The following APOL6 variants were observed in gnomAD, a reference collection of about 807,000 sequenced individuals.
The protein encoded by APOL6 is apolipoprotein L6.
APOL6 carries 1 observed loss-of-function variant against 2.4 expected under a neutral mutation model. The observed-to-expected ratio is 0.41, with a 90% CI of 0.15 to 1.94. The LOEUF (loss-of-function observed/expected upper bound fraction) is 1.94, where lower values mean the gene tolerates loss of function less well. Ranked by LOEUF, APOL6 falls within the 30% of genes most tolerant of loss-of-function variation. The pLI is 0.30. For synonymous variants in APOL6, 189 were observed against 169.3 expected, an observed-to-expected ratio of 1.12 and a Z score of -0.90; for missense variants, 438 against 429.2, an observed-to-expected ratio of 1.02 and a Z score of -0.18.
Position 35,656,362 on chromosome 22 carries a change from T to C in APOL6, c.-47-17T>C, listed in dbSNP as rs1601866716. On this transcript the variant is annotated splice_polypyrimidine_tract_variant and intron_variant, in intron 1 of 2. Coordinates refer to ENST00000409652, the MANE Select transcript of APOL6 (RefSeq NM_030641.4). ...ATCATATGTGCAGTAACGTTGTTTT[T>C]CTACATTCCTGACCAGAAAATCATT... The C allele has an allele frequency of 6.3e-7, 1 of 1,598,776 alleles. No individual in the cohort carries two copies. Among genetic ancestry groups the C allele is most frequent in the Non-Finnish European group, 8.6e-7 (1 of 1,166,130 alleles).
chr22:35,657,492 T>C (rs1924876354), intron 2 of APOL6, among the ~76,000 whole-genome samples: 1 of 152,182 alleles, frequency 6.6e-6, no homozygotes, highest in Admixed American at 6.5e-5. Context: ...GATAAATACA[T>C]TTATGGACAT....
At chr22:35,654,179 C>A (rs1435487469) in intron 1 of APOL6, among the ~76,000 whole-genome samples, 1 of 152,128 alleles carries the variant, frequency 6.6e-6, no homozygotes, top group East Asian at 1.9e-4. Context: ...GCTCTCTGAA[C>A]CCTGTCCTTT....
At chr22:35,649,730 T>C (rs1020027321) in intron 1 of APOL6, among the ~76,000 whole-genome samples, 25 of 151,592 alleles carry the variant, frequency 1.6e-4, no homozygotes, top group Non-Finnish European at 2.9e-4. Context: ...CTGCATCCCA[T>C]AGGACTAATG....
At chr22:35,652,686 T>G (rs998901753) in intron 1 of APOL6, among the ~76,000 whole-genome samples, 1 of 152,246 alleles carries the variant, frequency 6.6e-6, no homozygotes, top group Non-Finnish European at 1.5e-5. Context: ...TTGTCAGGTT[T>G]GTCAAAGATC....
At chr22:35,654,170 C>T (rs944089474) in intron 1 of APOL6, among the ~76,000 whole-genome samples, 11 of 152,188 alleles carry the variant, frequency 7.2e-5, no homozygotes, top group Non-Finnish European at 1.5e-4. Context: ...AACCCAGAAG[C>T]TCTCTGAACC....
chr22:35,648,513 A>C lies in APOL6; in HGVS notation c.-158A>C, dbSNP rs1399512003. The C allele has an allele frequency of 6.6e-6, 1 of 152,278 alleles. No homozygotes were observed. The highest frequency in any genetic ancestry group is 1.5e-5 in the Non-Finnish European group (1 of 68,174). The allele number at this position is 152,278 out of a possible 1,614,324, so 9.4% of individuals were successfully genotyped here. On this transcript the variant is annotated 5_prime_UTR_variant, in exon 1 of 3. Coordinates refer to ENST00000409652, the MANE Select transcript of APOL6 (RefSeq NM_030641.4). ...CTATCCGTCTTTCTCCAGCCCAGAC[A>C]CTCACAGCCCCCTGCCAGACCAGGG...
chr22:35,649,135 A>AT (rs1278486082), intron 1 of APOL6, among the ~76,000 whole-genome samples: 2 of 152,250 alleles, frequency 1.3e-5, no homozygotes, highest in East Asian at 1.9e-4. Flanking sequence ...GGAGTTTGTG[A>AT]TAAATATTAG....
At position 35,658,623 on chromosome 22, in the gene APOL6, A is replaced by T. The variant is rs771968404; in HGVS notation, c.59A>T (p.Asp20Val). ...EAGVGLQRDE[D>V]DAPLCEDVEL... The stretch of plus-strand genomic sequence containing the variant: ...ATTTCATTTCTCCTCAGGGATGAGG[A>T]TGACGCTCCTCTGTGTGAAGACGTG... Residue 20 changes from aspartate to valine, a missense_variant, in exon 3 of 3, where the codon GAT (aspartate) becomes GTT (valine). Transcript: ENST00000409652. 39 of 1,607,268 alleles carry T rather than the reference A, an allele frequency of 2.4e-5. No individual in the cohort carries two copies. In the East Asian group the frequency reaches 8.3e-4, roughly 34 times the overall value.
intron 1 of APOL6, among the ~76,000 whole-genome samples, chr22:35,650,176 T>C (rs1387594908): frequency 6.6e-6 from 1 of 152,170 alleles, no homozygotes; most frequent in Non-Finnish European, 1.5e-5. Flanking sequence ...AGTAAACTCT[T>C]AAAGGTGCCA....
chr22:35,659,160 A>G lies in APOL6; in HGVS notation c.596A>G (p.Asn199Ser). 1.2e-6 allele frequency: 2 copies of G among 1,614,190 alleles called. No individual in the cohort carries two copies. The highest frequency in any genetic ancestry group is 1.3e-5 in the African/African-American group (1 of 75,058). Residue 199 changes from asparagine to serine, a missense_variant, in exon 3 of 3, where the codon AAT becomes AGT. By Grantham distance (46) the Asn-to-Ser change is conservative. Transcript: ENST00000409652. Reference sequence around the variant, plus strand: ...CTCAGAGCCAACCCACGCTTGGCCAATGCTACCAAGCGTCTTCTGACCACT... The same window carrying G: ...CTCAGAGCCAACCCACGCTTGGCCAGTGCTACCAAGCGTCTTCTGACCACT... ...WKLRANPRLANATKRLLTTGQ... is the reference protein window; with the variant it reads ...WKLRANPRLASATKRLLTTGQ...
Position 35,659,695 on chromosome 22 carries a change from G to A in APOL6, c.*99G>A. 6.9e-7 allele frequency: 1 copy of A among 1,444,954 alleles called. No individual in the cohort carries two copies. The highest frequency in any genetic ancestry group is 1.4e-5 in the South Asian group (1 of 71,146). The allele number at this position is 1,444,954 out of a possible 1,614,324, so 89.5% of individuals were successfully genotyped here. ...GCCTGTCCTGGACAGACCTCGGCAT[G>A]CCTTCTGTTTCTCCTTCAATGCTCC... On this transcript the variant is annotated 3_prime_UTR_variant, in exon 3 of 3. Coordinates refer to ENST00000409652, the MANE Select transcript of APOL6 (RefSeq NM_030641.4).
In APOL6 at chr22:35,666,974, A is replaced by G. The variant is rs1925201868; in HGVS notation, c.*7378A>G. 1 of 152,250 alleles carries G rather than the reference A, an allele frequency of 6.6e-6. No homozygotes were observed. Among genetic ancestry groups the G allele is most frequent in the Non-Finnish European group, 1.5e-5 (1 of 68,040 alleles). 9.4% of individuals were successfully genotyped at this position (152,250 alleles called of 1,614,324 possible). A position where few individuals can be genotyped will look rare whatever the true frequency, so the allele number is the denominator to read the frequency against. On this transcript the variant is annotated 3_prime_UTR_variant, in exon 3 of 3. Coordinates refer to ENST00000409652, the MANE Select transcript of APOL6 (RefSeq NM_030641.4). ...AACTTATGGTGATACAGTTATTTGC[A>G]TAAGTGCAATAAGAATCTGTTCTAA...
chr22:35,659,640 T>G lies in APOL6; in HGVS notation c.*44T>G. ...CATACAATGGCCTTGGAGGTCCAAA[T>G]AATATCAAGTACATCTTGGAGATGA... On this transcript the variant is annotated 3_prime_UTR_variant, in exon 3 of 3. Transcript: ENST00000409652. 2.0e-6 allele frequency: 3 copies of G among 1,518,538 alleles called. No individual in the cohort carries two copies. Among genetic ancestry groups the G allele is most frequent in the Non-Finnish European group, 2.7e-6 (3 of 1,131,220 alleles). The allele number at this position is 1,518,538 out of a possible 1,614,324, so 94.1% of individuals were successfully genotyped here.
chr22:35,659,783 GTTTTGAGA>G lies in APOL6; in HGVS notation c.*188_*195del. On this transcript the variant is annotated 3_prime_UTR_variant, in exon 3 of 3. Coordinates refer to ENST00000409652, the MANE Select transcript of APOL6 (RefSeq NM_030641.4). ...TGTTTGTTTGTTTGTTTGTTTGTTTGTTTTGAGACAGGGTCTCTGTTGCCCAGGCTGGA... is the reference window on the plus strand; with the variant it reads ...TGTTTGTTTGTTTGTTTGTTTGTTTGCAGGGTCTCTGTTGCCCAGGCTGGA... The G allele has an allele frequency of 9.7e-7, 1 of 1,029,884 alleles. No individual in the cohort carries two copies. The highest frequency in any genetic ancestry group is 1.7e-5 in the South Asian group (1 of 57,646). 63.8% of individuals were successfully genotyped at this position (1,029,884 alleles called of 1,614,324 possible). A position where few individuals can be genotyped will look rare whatever the true frequency, so the allele number is the denominator to read the frequency against.
chr22:35,659,596 A>G lies in APOL6; in HGVS notation c.1032A>G (p.Ter344TrpextTer23). The change falls in exon 3 of 3, where the codon TGA (stop) becomes TGG (tryptophan). Residue 344 changes from the stop codon to tryptophan (W), a stop_lost. Coordinates refer to ENST00000409652, the MANE Select transcript of APOL6 (RefSeq NM_030641.4). ...TCTGTGTGTATGTACAGTTTACATGAATGTTCCTCAGGACATGGCATACAA... is the reference window on the plus strand; with the variant it reads ...TCTGTGTGTATGTACAGTTTACATGGATGTTCCTCAGGACATGGCATACAA... ...LCVCVYVQFT[*>W] 6.3e-7 allele frequency: 1 copy of G among 1,597,586 alleles called. No homozygotes were observed. Among genetic ancestry groups the G allele is most frequent in the Non-Finnish European group, 8.5e-7 (1 of 1,170,988 alleles).
intron 1 of APOL6, among the ~76,000 whole-genome samples, chr22:35,654,917 T>A: frequency 6.6e-6 from 1 of 152,216 alleles, no homozygotes; most frequent in Middle Eastern, 3.4e-3. Flanking sequence ...TCAAGGAGAA[T>A]AAAGGTTAAC....
At chr22:35,649,706 C>T (rs992606397) in intron 1 of APOL6, among the ~76,000 whole-genome samples, 9 of 151,456 alleles carry the variant, frequency 5.9e-5, no homozygotes, top group East Asian at 2.0e-4. Context: ...GAGTTTCCTG[C>T]TGTTACCTTT....
Position 35,663,089 on chromosome 22 carries a change from ATTG to A in APOL6, c.*3496_*3498del. ...CAGAAATTGTATAATTTGTGTGACC[ATTG>A]TTAGTTTTGCTTAACTGTTTTGTTG... On this transcript the variant is annotated 3_prime_UTR_variant, in exon 3 of 3. Coordinates refer to ENST00000409652, the MANE Select transcript of APOL6 (RefSeq NM_030641.4). The A allele has an allele frequency of 6.6e-6, 1 of 152,138 alleles. No individual in the cohort carries two copies. Among genetic ancestry groups the A allele is most frequent in the Admixed American group, 6.5e-5 (1 of 15,278 alleles). The allele number at this position is 152,138 out of a possible 1,614,324, so 9.4% of individuals were successfully genotyped here. A position where few individuals can be genotyped will look rare whatever the true frequency, so the allele number is the denominator to read the frequency against.
intron 2 of APOL6, among the ~76,000 whole-genome samples, chr22:35,656,860 T>C (rs1011525356): frequency 6.6e-6 from 1 of 152,212 alleles, no homozygotes; most frequent in Non-Finnish European, 1.5e-5. Context: ...TTAAGCCCAG[T>C]TGTCTGTAAA....
Sources: gnomAD v4.1 joint callset for allele counts (sites outside exome capture counted in the v4.1 genomes callset) on GRCh38, gnomAD v4.1.1 for gene constraint, MANE v1.5 for transcripts, NCBI Gene and HGNC (gene_info 2026-07-23, HGNC 2026-07-21) for gene names.